TMEM254: variants seen among roughly 807,000 people sequenced by gnomAD.
TMEM254 encodes transmembrane protein 254, also known as transmembrane protein C10orf57.
A neutral mutation model predicts 13.9 loss-of-function variants in TMEM254; 16 were observed. The ratio of observed to expected loss-of-function variants is 1.15; its 90% CI spans 0.78 to 1.75. The LOEUF is 1.75. Among genes scored for constraint, TMEM254 ranks in the 40% most tolerant of loss-of-function variants. TMEM254 has a pLI of 0.00. For missense variants in TMEM254, 155 were observed against 149.0 expected (o/e 1.04, Z -0.21); for synonymous variants, 61 against 56.4 (o/e 1.08, Z -0.36).
At chr10:80,079,404 G>A in intron 1 of TMEM254, 1 of 1,094,848 alleles carries the variant, frequency 9.1e-7, no homozygotes, top group Non-Finnish European at 1.1e-6. Flanking sequence ...CGGGTTATCC[G>A]AGCCTAAGCC....
intron 1 of TMEM254, chr10:80,079,203 C>CGGGGGGTGGGGG: frequency 1.2e-5 from 4 of 345,638 alleles, no homozygotes; most frequent in Admixed American, 5.2e-5. Context: ...TGGGGTGGGG[C>CGGGGGGTGGGGG]GGGGCGGGCC....
At chr10:80,089,526 C>A (rs575039433) in intron 3 of TMEM254, among the ~76,000 whole-genome samples, 1 of 151,944 alleles carries the variant, frequency 6.6e-6, no homozygotes, top group South Asian at 2.1e-4. Context: ...AACAAAAAAC[C>A]TAGCCAGGCA....
At position 80,082,222 on chromosome 10, in the gene TMEM254, G is replaced by A; in HGVS notation, c.251+18G>A. 3.7e-6 allele frequency: 6 copies of A among 1,613,844 alleles called. No homozygotes were observed. The highest frequency in any genetic ancestry group is 5.1e-6 in the Non-Finnish European group (6 of 1,179,906). ...TTGTGCAAGTAAGTCTTTGAAGTAG[G>A]TGTTTGTTGCCTTTCTCTTAGTAGC... On this transcript the variant is annotated intron_variant, in intron 3 of 3. Transcript: ENST00000372281.
chr10:80,091,039 T>G lies in TMEM254; in HGVS notation c.*122T>G. The stretch of plus-strand genomic sequence containing the variant: ...CTTTCTAGAAACTGTCCTTCAAAGC[T>G]CTTTAAGACCCCCTCGTTAGTCAGT... On this transcript the variant is annotated 3_prime_UTR_variant, in exon 4 of 4. Coordinates refer to ENST00000372281, the MANE Select transcript of TMEM254 (RefSeq NM_025125.4). 1 of 1,306,654 alleles carries G rather than the reference T, an allele frequency of 7.7e-7. No homozygotes were observed. Among genetic ancestry groups the G allele is most frequent in the Non-Finnish European group, 1.0e-6 (1 of 959,322 alleles). 80.9% of individuals were successfully genotyped at this position (1,306,654 alleles called of 1,614,324 possible).
intron 3 of TMEM254, among the ~76,000 whole-genome samples, chr10:80,085,101 T>A (rs1223818547): frequency 6.6e-6 from 1 of 152,158 alleles, no homozygotes; most frequent in Non-Finnish European, 1.5e-5. Context: ...ATTACAGACG[T>A]GAGCCACCGC....
Position 80,083,105 on chromosome 10 carries a change from C to CTTTTT in TMEM254, c.251+916_251+920dup, listed in dbSNP as rs57014602. 2.9e-3 allele frequency among the ~76,000 whole-genome samples: 304 copies of CTTTTT among 106,330 alleles called. 11 individuals carry two copies. Among genetic ancestry groups the CTTTTT allele is most frequent in the African/African-American group, 0.01 (278 of 27,376 alleles). The allele number at this position is 106,330 out of a possible 152,430, so 69.8% of individuals were successfully genotyped here. On this transcript the variant is annotated intron_variant, in intron 3 of 3. Coordinates refer to ENST00000372281, the MANE Select transcript of TMEM254 (RefSeq NM_025125.4). The stretch of plus-strand genomic sequence containing the variant: ...TTGTTTATTAAACAAATAAGCTAGA[C>CTTTTT]TTTTTTTTTTTTTTTTTTTGAGAGG...
intron 1 of TMEM254, chr10:80,079,585 C>G: frequency 1.0e-6 from 1 of 990,690 alleles, no homozygotes; most frequent in Middle Eastern, 5.2e-4. Context: ...TATAACTGTT[C>G]TGACATAGGT....
intron 3 of TMEM254, among the ~76,000 whole-genome samples, chr10:80,085,609 A>C (rs1385126953): frequency 6.6e-6 from 1 of 151,088 alleles, no homozygotes; most frequent in Non-Finnish European, 1.5e-5. Flanking sequence ...ATTTTTGGTG[A>C]GGTGAGGGGG....
intron 3 of TMEM254, among the ~76,000 whole-genome samples, chr10:80,084,405 G>C (rs1294586206): frequency 7.2e-5 from 11 of 152,148 alleles, no homozygotes; most frequent in Admixed American, 7.2e-4. Context: ...CTCATGTTCA[G>C]TGCCTTCTCC....
chr10:80,085,372 C>T (rs1340997012), intron 3 of TMEM254, among the ~76,000 whole-genome samples: 3 of 151,502 alleles, frequency 2.0e-5, no homozygotes, highest in African/African-American at 7.3e-5. Flanking sequence ...CCAGCGTGCC[C>T]AACATGGTTG....
chr10:80,081,828 GC>G lies in TMEM254; in HGVS notation c.88-12del, dbSNP rs1844046117. The G allele has an allele frequency of 6.2e-7, 1 of 1,613,982 alleles. No homozygotes were observed. The highest frequency in any genetic ancestry group is 1.3e-5 in the African/African-American group (1 of 74,924). ...GACCTAATAGGTATTCTGTGTCTCTGCTTCTCTTTCAGTGGGTTGTCTTCTG... is the reference window on the plus strand; with the variant it reads ...GACCTAATAGGTATTCTGTGTCTCTGTTCTCTTTCAGTGGGTTGTCTTCTG... On this transcript the variant is annotated splice_polypyrimidine_tract_variant and intron_variant, in intron 1 of 3. Coordinates refer to ENST00000372281, the MANE Select transcript of TMEM254 (RefSeq NM_025125.4).
Position 80,078,665 on chromosome 10 carries a change from G to C in TMEM254, c.-35G>C. 9 of 1,564,008 alleles carry C rather than the reference G, an allele frequency of 5.8e-6. 1 individual carries two copies. Among genetic ancestry groups the C allele is most frequent in the African/African-American group, 1.4e-5 (1 of 73,914 alleles). ...TGCCTCCGCGCTCGCGCTCGACGGT[G>C]TCCTGAAGCGCGCTCCCGGGGAGGT... On this transcript the variant is annotated 5_prime_UTR_variant, in exon 1 of 4. Transcript: ENST00000372281.
In TMEM254 at chr10:80,090,613, G is replaced by T. The variant is rs555152047; in HGVS notation, c.252-184G>T. On this transcript the variant is annotated intron_variant, in intron 3 of 3. Coordinates refer to ENST00000372281, the MANE Select transcript of TMEM254 (RefSeq NM_025125.4). ...ATAGTTTACCATCCAAAATACATTTGTTAGAAAACAAGAAAGATGAAAAAT... is the reference window on the plus strand; with the variant it reads ...ATAGTTTACCATCCAAAATACATTTTTTAGAAAACAAGAAAGATGAAAAAT... Among the ~76,000 whole-genome samples the T allele has an allele frequency of 4.3e-4, 65 of 152,190 alleles. No homozygotes were observed. In the South Asian group the frequency reaches 0.012, roughly 29 times the overall value.
At position 80,090,698 on chromosome 10, in the gene TMEM254, G is replaced by A. The variant is rs76526301; in HGVS notation, c.252-99G>A. 1,158 of 1,122,732 alleles carry A rather than the reference G, an allele frequency of 1.0e-3. 14 individuals carry two copies. In the African/African-American group the frequency reaches 0.017, roughly 16 times the overall value. 69.5% of individuals were successfully genotyped at this position (1,122,732 alleles called of 1,614,324 possible). A position where few individuals can be genotyped will look rare whatever the true frequency, so the allele number is the denominator to read the frequency against. ...GCAAAATAAACCCAATGAAAGTAGT[G>A]GAAGGTATAATTTAAAAAATATATA... is the stretch of plus-strand genomic sequence containing the variant. On this transcript the variant is annotated intron_variant, in intron 3 of 3. Transcript: ENST00000372281.
chr10:80,089,685 GT>G (rs371090946), intron 3 of TMEM254, among the ~76,000 whole-genome samples: 2 of 151,484 alleles, frequency 1.3e-5, no homozygotes, highest in East Asian at 3.9e-4. Flanking sequence ...CTCTGGGGGG[GT>G]TGGAAAAAGA....
chr10:80,088,333 G>A (rs728615), intron 3 of TMEM254, among the ~76,000 whole-genome samples: 15,596 of 151,956 alleles, frequency 0.1, 970 homozygotes, highest in South Asian at 0.21. Flanking sequence ...CATATTCTGT[G>A]CATTGTCTTG....
In TMEM254 at chr10:80,090,839, C is replaced by T. The variant is rs760677721; in HGVS notation, c.294C>T (p.Phe98=). ...GTGGTCGGGCTCAGCTACTCTGGTT[C>T]CTACAGACTTTCTTCTTTGGGATAG... ...ITSGRAQLLW[F]LQTFFFGIAS... is the part of the protein sequence containing the mutation. Residue 98 remains phenylalanine (F), a synonymous_variant, in exon 4 of 4, where the codon TTC becomes TTT. Transcript: ENST00000372281. The T allele has an allele frequency of 4.3e-6, 7 of 1,614,100 alleles. No individual in the cohort carries two copies. In the South Asian group the frequency reaches 7.7e-5, roughly 18 times the overall value.
intron 3 of TMEM254, among the ~76,000 whole-genome samples, chr10:80,084,033 C>G (rs1318114231): frequency 4.0e-5 from 6 of 151,862 alleles, no homozygotes; most frequent in African/African-American, 1.5e-4. Context: ...TGCAGTGAGC[C>G]GAGATCGCAC....
Position 80,081,860 on chromosome 10 carries a change from A to T in TMEM254, c.107A>T (p.Gln36Leu), listed in dbSNP as rs557363346. 1.9e-6 allele frequency: 3 copies of T among 1,614,220 alleles called. No homozygotes were observed. In the South Asian group the frequency reaches 3.3e-5, roughly 18 times the overall value. Residue 36 changes from glutamine to leucine, a missense_variant, in exon 2 of 4, where the codon CAG becomes CTG. Coordinates refer to ENST00000372281, the MANE Select transcript of TMEM254 (RefSeq NM_025125.4). ...GYYTWVVFWP[Q>L]SIPYQNLGPL... is the part of the protein sequence containing the mutation. ...TTTCAGTGGGTTGTCTTCTGGCCTC[A>T]GAGTATCCCTTATCAGAACCTTGGG...
Sources: gnomAD v4.1 joint callset for allele counts (sites outside exome capture counted in the v4.1 genomes callset) on GRCh38, gnomAD v4.1.1 for gene constraint, MANE v1.5 for transcripts, NCBI Gene and HGNC (gene_info 2026-07-23, HGNC 2026-07-21) for gene names.